The following COL4A4 variants were observed in gnomAD, a reference collection of about 807,000 sequenced individuals.
The protein encoded by COL4A4 is collagen type IV alpha 4 chain.
A neutral mutation model predicts 192.9 loss-of-function variants in COL4A4; 105 were observed. The ratio of observed to expected loss-of-function variants is 0.54; its 90% CI spans 0.46 to 0.64. COL4A4 has a LOEUF of 0.64. COL4A4 is among the 30% of genes least tolerant of loss of function. COL4A4 has a pLI of 0.00. For synonymous variants in COL4A4, 762 were observed against 769.9 expected (o/e 0.99, Z 0.17); for missense variants, 1,967 against 2,169.3 (o/e 0.91, Z 1.85).
rs147261070 is a variant in COL4A4 at position 227,045,290 on chromosome 2, G to T, written c.3290-2106C>A. On this transcript the variant is annotated intron_variant, in intron 35 of 47. Transcript: ENST00000396625. ...TTTACAGGTGAGGCAACTACGCTCA[G>T]AGAAGATACTCTCAGCTTACCCAAG... is the stretch of plus-strand genomic sequence containing the variant. 9.2e-5 allele frequency among the ~76,000 whole-genome samples: 14 copies of T among 152,204 alleles called. No individual in the cohort carries two copies. The East Asian group carries it at 2.7e-3, about 29-fold the overall frequency.
At chr2:226,984,678 TCTC>T in the COL4A4 span, among the ~76,000 whole-genome samples, 1 of 152,120 alleles carries the variant, frequency 6.6e-6, no homozygotes, top group African/African-American at 2.4e-5. Flanking sequence ...TTAGAAATAT[TCTC>T]CTGAAAGGAA....
chr2:227,002,399 C>T (rs1961213348), downstream of COL4A4, among the ~76,000 whole-genome samples: 1 of 152,228 alleles, frequency 6.6e-6, no homozygotes, highest in Non-Finnish European at 1.5e-5. Context: ...TGGTCTTATT[C>T]TCACTCAACT....
chr2:227,114,774 T>C, intron 7 of COL4A4, 78 bp from the exon 8 acceptor site: 3 of 1,146,600 alleles, frequency 2.6e-6, no homozygotes, highest in Non-Finnish European at 3.9e-6. Flanking sequence ...ATATAAAATA[T>C]AACTCATCAG....
At chr2:227,088,049 C>G (rs2059697223) in intron 22 of COL4A4, among the ~76,000 whole-genome samples, 1 of 152,218 alleles carries the variant, frequency 6.6e-6, no homozygotes, top group Non-Finnish European at 1.5e-5. Flanking sequence ...GTATCCCCAG[C>G]ACCTGAAACA....
intron 22 of COL4A4, among the ~76,000 whole-genome samples, chr2:227,085,318 G>A (rs933746761): frequency 2.0e-5 from 3 of 152,084 alleles, no homozygotes; most frequent in African/African-American, 4.8e-5. Context: ...CAGTGGGAAC[G>A]CAATAACCTT....
At chr2:227,118,889 T>C (rs2061626763) in intron 6 of COL4A4, 128 bp from the exon 7 acceptor site, 1 of 723,770 alleles carries the variant, frequency 1.4e-6, no homozygotes, top group South Asian at 1.5e-5. Context: ...TGTGAAACTT[T>C]CTCTTTACCC....
At chr2:227,045,475 T>G (rs1972283086) in intron 35 of COL4A4, among the ~76,000 whole-genome samples, 1 of 107,820 alleles carries the variant, frequency 9.3e-6, no homozygotes. Flanking sequence ...GTTAAAATAT[T>G]ATACTATGTC....
intron 25 of COL4A4, among the ~76,000 whole-genome samples, chr2:227,069,114 A>G (rs1209543202): frequency 7.5e-6 from 1 of 133,712 alleles, no homozygotes; most frequent in South Asian, 2.8e-4. Context: ...ACTCCCATTC[A>G]CAATTGCTTC....
rs1305494252 is a variant in COL4A4, at chr2:227,045,781, TACATATATATATATATAC to T, written c.3289+1676_3289+1693del. 1.4e-4 allele frequency among the ~76,000 whole-genome samples: 11 copies of T among 78,686 alleles called. 1 individual carries two copies. Among genetic ancestry groups the T allele is most frequent in the African/African-American group, 5.6e-4 (7 of 12,412 alleles). The allele number at this position is 78,686 out of a possible 152,430, so 51.6% of individuals were successfully genotyped here. On this transcript the variant is annotated intron_variant, in intron 35 of 47. Transcript: ENST00000396625. ...AAGACTCCATCTCAAAAAAAAAAAA[TACATATATATATATATAC>T]ACATATATATATATATACACATATA...
chr2:227,017,665 C>T (rs1965188447), intron 44 of COL4A4, among the ~76,000 whole-genome samples: 1 of 152,212 alleles, frequency 6.6e-6, no homozygotes, highest in Non-Finnish European at 1.5e-5. Context: ...GACTAATCGA[C>T]CCACTTCGTG....
At chr2:227,111,906 T>C (rs1010174016) in intron 8 of COL4A4, among the ~76,000 whole-genome samples, 193 bp from the exon 9 acceptor site, 3 of 152,332 alleles carry the variant, frequency 2.0e-5, no homozygotes, top group South Asian at 4.1e-4. Context: ...TGAATTCTCC[T>C]TCTACCCAAC....
chr2:227,067,423 T>C (rs999354105), intron 25 of COL4A4, among the ~76,000 whole-genome samples: 1 of 152,088 alleles, frequency 6.6e-6, no homozygotes, highest in Non-Finnish European at 1.5e-5. Context: ...CATTTTTTTC[T>C]GCACCACACC....
At chr2:227,103,646 T>C (rs1307042529) in intron 13 of COL4A4, among the ~76,000 whole-genome samples, 1 of 152,196 alleles carries the variant, frequency 6.6e-6, no homozygotes, top group Non-Finnish European at 1.5e-5. Flanking sequence ...ATCAAACTCA[T>C]CTGTAACATC....
the COL4A4 span, among the ~76,000 whole-genome samples, chr2:226,994,035 G>A: frequency 5.3e-5 from 8 of 152,094 alleles, no homozygotes; most frequent in African/African-American, 1.7e-4. Context: ...TTTGGGTTCT[G>A]CAAATGGGTC....
In COL4A4 at chr2:227,088,707, A is replaced by T; in HGVS notation, c.1569T>A (p.Leu523=). ...GAGGTCCTGGGTCACCTTTTGTTCC[A>T]AGCCAGCCAGGGAGCCCCAAGTCTC... The part of the protein sequence containing the change: ...SKGDLGLPGW[L]GTKGDPGPPG... Residue 523 remains leucine, a synonymous_variant, in exon 22 of 48, where the codon CTT becomes CTA. Coordinates refer to ENST00000396625, the MANE Select transcript of COL4A4 (RefSeq NM_000092.5). 6.2e-7 allele frequency: 1 copy of T among 1,614,140 alleles called. No individual in the cohort carries two copies. The highest frequency in any genetic ancestry group is 8.5e-7 in the Non-Finnish European group (1 of 1,180,016).
the COL4A4 span, among the ~76,000 whole-genome samples, chr2:226,975,570 G>T: frequency 1.3e-5 from 2 of 152,114 alleles, no homozygotes; most frequent in African/African-American, 4.8e-5. Context: ...CCCTCCTAAT[G>T]AAATGGGCAG....
At chr2:227,011,485 G>C (rs896493610) in intron 45 of COL4A4, among the ~76,000 whole-genome samples, 2 of 152,216 alleles carry the variant, frequency 1.3e-5, no homozygotes, top group African/African-American at 4.8e-5. Context: ...TTTTGCTACA[G>C]ACCTCACCCA....
the COL4A4 span, among the ~76,000 whole-genome samples, chr2:226,981,152 G>A: frequency 6.6e-6 from 1 of 152,124 alleles, no homozygotes; most frequent in Non-Finnish European, 1.5e-5. Context: ...TCACTCATAG[G>A]TGGAAATTGA....
intron 1 of COL4A4, among the ~76,000 whole-genome samples, chr2:227,160,688 G>T (rs1472361323): frequency 1.3e-5 from 2 of 152,182 alleles, no homozygotes; most frequent in South Asian, 2.1e-4. Context: ...AGCATAATTT[G>T]CAATTTTAAT....
Sources: allele counts gnomAD v4.1 joint callset (sites outside exome capture counted in the v4.1 genomes callset), GRCh38; gene constraint gnomAD v4.1.1; transcripts MANE v1.5; gene names NCBI Gene and HGNC (gene_info 2026-07-23, HGNC 2026-07-21).